Variants in FLNB observed in about 807,000 individuals in gnomAD.
FLNB encodes the protein filamin-B.
FLNB carries 111 observed loss-of-function variants against 250.6 expected under a neutral mutation model. That is an observed-to-expected ratio of 0.44 (90% CI 0.38 to 0.52). FLNB has a LOEUF of 0.52. Ranked by LOEUF, FLNB falls within the 20% of genes least tolerant of loss-of-function variation. The probability of loss-of-function intolerance (pLI) is 0.00; values close to 1 mark genes in which losing one functional copy is unlikely to be tolerated. For missense variants in FLNB, 2,869 were observed against 3,447.8 expected (o/e 0.83, Z 4.20); for synonymous variants, 1,302 against 1,372.1 (o/e 0.95, Z 1.13).
chr3:58,079,085 G>A (rs962901168), intron 3 of FLNB, among the ~76,000 whole-genome samples: 2 of 152,134 alleles, frequency 1.3e-5, no homozygotes, highest in Admixed American at 1.3e-4. Context: ...AAATTTTCTA[G>A]TATTTCTTCT....
chr3:58,125,589 G>A lies in FLNB; in HGVS notation c.3907G>A (p.Val1303Ile), dbSNP rs990121771. The change falls in exon 23 of 46, where the codon GTA becomes ATA. Residue 1303 changes from valine to isoleucine, a missense_variant. This residue lies in a region of FLNB where 1,348 missense variants were observed against 1,466.7 expected (regional missense o/e 0.92). Transcript: ENST00000295956. ...EYTPFEKGLH[V>I]VEVTYDDVPI... ...TTTGTTGTTTTGAGCAGGTCTCCATGTAGTGGAGGTGACATATGATGACGT... is the reference window on the plus strand; with the variant it reads ...TTTGTTGTTTTGAGCAGGTCTCCATATAGTGGAGGTGACATATGATGACGT... 26 of 1,614,214 alleles carry A rather than the reference G, an allele frequency of 1.6e-5. No individual in the cohort carries two copies. The highest frequency in any genetic ancestry group is 1.9e-5 in the Non-Finnish European group (23 of 1,180,022).
intron 1 of FLNB, among the ~76,000 whole-genome samples, chr3:58,060,110 T>C (rs141930941): frequency 9.2e-5 from 14 of 152,338 alleles, no homozygotes; most frequent in African/African-American, 3.4e-4. Context: ...CACCTCTCAC[T>C]GGGAGGTCGG....
chr3:58,010,137 T>C (rs1439910656), intron 1 of FLNB, among the ~76,000 whole-genome samples: 7 of 117,098 alleles, frequency 6.0e-5, no homozygotes, highest in African/African-American at 2.3e-4. Flanking sequence ...GGTGGGTGGG[T>C]GTGGGTTGGG....
In FLNB at chr3:58,153,381, A is replaced by G. The variant is rs772005057; in HGVS notation, c.6374A>G (p.Asn2125Ser). Reference protein sequence around the residue: ...CDLNLKIPEINSSDMSAHVTS... With the variant: ...CDLNLKIPEISSSDMSAHVTS... Reference sequence around the variant, plus strand: ...ACCTCCCTCCCTCTTTCAGAAATCAACAGCAGTGATATGTCGGCCCACGTC... The same window carrying G: ...ACCTCCCTCCCTCTTTCAGAAATCAGCAGCAGTGATATGTCGGCCCACGTC... Residue 2125 changes from asparagine (N) to serine (S), a missense_variant, in exon 39 of 46, where the codon AAC becomes AGC. Asn to Ser is a conservative substitution (Grantham distance 46). Coordinates refer to ENST00000295956, the MANE Select transcript of FLNB (RefSeq NM_001457.4). The G allele has an allele frequency of 5.0e-6, 8 of 1,614,028 alleles. No homozygotes were observed. The South Asian group carries it at 5.5e-5, about 11-fold the overall frequency.
chr3:58,041,354 T>C (rs1330623765), intron 1 of FLNB, among the ~76,000 whole-genome samples: 1 of 152,234 alleles, frequency 6.6e-6, no homozygotes, highest in African/African-American at 2.4e-5. Flanking sequence ...CCAGCCAGTG[T>C]GTGCATTGTC....
chr3:58,019,468 CT>C (rs1350356631), intron 1 of FLNB, among the ~76,000 whole-genome samples: 2 of 152,156 alleles, frequency 1.3e-5, no homozygotes, highest in African/African-American at 2.4e-5. Context: ...CTGCCTCTTT[CT>C]TTTAGGTTGA....
At position 58,104,103 on chromosome 3, in the gene FLNB, G is replaced by A; in HGVS notation, c.1610+18G>A. On this transcript the variant is annotated intron_variant, in intron 10 of 45. Transcript: ENST00000295956. ...CCAAAGAGGTGAGGCTCCTGCTGCA[G>A]AGGGGTCTTCTCTGGAGGGTGCTCG... is the stretch of plus-strand genomic sequence containing the variant. 1 of 1,613,388 alleles carries A rather than the reference G, an allele frequency of 6.2e-7. No individual in the cohort carries two copies. Among genetic ancestry groups the A allele is most frequent in the South Asian group, 1.1e-5 (1 of 91,036 alleles).
chr3:58,121,635 A>T (rs899751898), intron 20 of FLNB, 132 bp downstream of exon 20: 7 of 1,184,710 alleles, frequency 5.9e-6, no homozygotes, highest in Non-Finnish European at 4.9e-6. Flanking sequence ...ATTCACTGTG[A>T]AAGGTCCCCT....
chr3:58,115,646 G>A (rs1413426428), intron 18 of FLNB, among the ~76,000 whole-genome samples: 1 of 152,160 alleles, frequency 6.6e-6, no homozygotes, highest in Non-Finnish European at 1.5e-5. Flanking sequence ...ATAGCAGCAG[G>A]TTTGAGAACT....
chr3:58,145,124 GGA>G (rs1255800696), intron 32 of FLNB, among the ~76,000 whole-genome samples: 2 of 152,204 alleles, frequency 1.3e-5, no homozygotes, highest in East Asian at 1.9e-4. Flanking sequence ...AGCGGCAGAT[GGA>G]GAGAGAGGAA....
intron 32 of FLNB, among the ~76,000 whole-genome samples, chr3:58,144,197 C>G (rs994825281): frequency 6.6e-6 from 1 of 152,208 alleles, no homozygotes; most frequent in Non-Finnish European, 1.5e-5. Flanking sequence ...CTTCCTACCC[C>G]TCTCCTTGAA....
chr3:58,150,371 TTA>T (rs2097342912), intron 38 of FLNB, 144 bp downstream of exon 38: 1 of 883,624 alleles, frequency 1.1e-6, no homozygotes, highest in Non-Finnish European at 1.9e-6. Flanking sequence ...CTTCATTTCA[TTA>T]TGTTCTTCTA....
chr3:58,148,662 C>T lies in FLNB; in HGVS notation c.5901C>T (p.Ile1967=). 6.2e-7 allele frequency: 1 copy of T among 1,614,036 alleles called. No homozygotes were observed. The highest frequency in any genetic ancestry group is 8.5e-7 in the Non-Finnish European group (1 of 1,179,910). ...LPNNHIGISF[I]PREVGEHLVS... is the part of the protein sequence containing the mutation. ...GTTCTGGTCCAGGCATCTCCTTCAT[C>T]CCCCGGGAAGTGGGCGAACATCTGG... The change falls in exon 36 of 46, where the codon ATC becomes ATT. Residue 1967 remains isoleucine (I), a synonymous_variant. Coordinates refer to ENST00000295956, the MANE Select transcript of FLNB (RefSeq NM_001457.4).
chr3:58,058,151 C>T (rs188865622), intron 1 of FLNB, among the ~76,000 whole-genome samples: 251 of 152,132 alleles, frequency 1.6e-3, no homozygotes, highest in Non-Finnish European at 3.2e-3. Flanking sequence ...TGCATGTGAG[C>T]GTTTTATCTT....
chr3:58,133,383 G>C (rs2097310835), intron 26 of FLNB, among the ~76,000 whole-genome samples: 2 of 126,408 alleles, frequency 1.6e-5, no homozygotes. Flanking sequence ...GATCACTTGA[G>C]CCCAAGAGTT....
At chr3:58,020,242 T>C (rs867648357) in intron 1 of FLNB, among the ~76,000 whole-genome samples, 5 of 152,226 alleles carry the variant, frequency 3.3e-5, no homozygotes, top group South Asian at 4.1e-4. Context: ...TGTGCTGGGT[T>C]GTGTTTGCTG....
At chr3:58,051,362 A>G (rs961417635) in intron 1 of FLNB, among the ~76,000 whole-genome samples, 1 of 152,176 alleles carries the variant, frequency 6.6e-6, no homozygotes, top group Non-Finnish European at 1.5e-5. Flanking sequence ...TTGCCTTGAG[A>G]CAAGTGGCCC....
chr3:58,038,679 C>T (rs1008709360), intron 1 of FLNB, among the ~76,000 whole-genome samples: 3 of 151,730 alleles, frequency 2.0e-5, no homozygotes, highest in African/African-American at 7.3e-5. Context: ...TCTCCTGCCT[C>T]AGCCTCCCAA....
At chr3:58,140,125 G>A (rs2097324152) in intron 29 of FLNB, among the ~76,000 whole-genome samples, 1 of 152,190 alleles carries the variant, frequency 6.6e-6, no homozygotes, top group African/African-American at 2.4e-5. Context: ...TGGACTGACT[G>A]ACTGTTCATT....
Sources: allele counts gnomAD v4.1 joint callset (sites outside exome capture counted in the v4.1 genomes callset), GRCh38; gene constraint gnomAD v4.1.1; regional missense constraint gnomAD v4.1.1; transcripts MANE v1.5; gene names NCBI Gene and HGNC (gene_info 2026-07-23, HGNC 2026-07-21).